Variants in PEX2 observed in about 807,000 individuals in gnomAD.
PEX2 encodes the protein peroxisome biogenesis factor 2.
A neutral mutation model predicts 25.2 loss-of-function variants in PEX2; 19 were observed. The ratio of observed to expected loss-of-function variants is 0.75; its 90% CI spans 0.53 to 1.10. PEX2 has a LOEUF of 1.10. PEX2 is among the 50% of genes least tolerant of loss of function. The pLI, the probability that PEX2 is intolerant of heterozygous loss-of-function variation, is 0.00. For synonymous variants in PEX2, 141 were observed against 127.7 expected (o/e 1.10, Z -0.70); for missense variants, 347 against 350.6 (o/e 0.99, Z 0.08).
intron 1 of PEX2, among the ~76,000 whole-genome samples, chr8:76,991,438 C>G (rs888631666): frequency 6.6e-6 from 1 of 152,174 alleles, no homozygotes; most frequent in African/African-American, 2.4e-5. Flanking sequence ...CTCCTCCCTA[C>G]GTAAGACTCT....
chr8:76,984,201 A>G lies in PEX2; in HGVS notation c.-17-6T>C. Reference sequence around the variant, plus strand: ...CATGTCTTCTCTGAAGGTCTCTAGGAAAAAATACAATTGAAGAACATTAGC... The same window carrying G: ...CATGTCTTCTCTGAAGGTCTCTAGGGAAAAATACAATTGAAGAACATTAGC... On this transcript the variant is annotated splice_polypyrimidine_tract_variant and splice_region_variant and intron_variant, in intron 3 of 3. Transcript: ENST00000357039. 1 of 1,610,678 alleles carries G rather than the reference A, an allele frequency of 6.2e-7. No homozygotes were observed. Among genetic ancestry groups the G allele is most frequent in the South Asian group, 1.1e-5 (1 of 90,982 alleles).
intron 1 of PEX2, among the ~76,000 whole-genome samples, chr8:76,991,601 C>T (rs1392063716): frequency 6.6e-6 from 1 of 152,194 alleles, no homozygotes; most frequent in Non-Finnish European, 1.5e-5. Flanking sequence ...CAGACACTGT[C>T]TATTACACAC....
At chr8:76,996,319 G>A (rs376666097) in intron 1 of PEX2, among the ~76,000 whole-genome samples, 46 of 152,298 alleles carry the variant, frequency 3.0e-4, no homozygotes, top group African/African-American at 9.6e-4. Flanking sequence ...GGAAATTGAG[G>A]TGCAAAGAGA....
At chr8:76,984,857 G>T (rs956743321) in intron 3 of PEX2, among the ~76,000 whole-genome samples, 1 of 152,018 alleles carries the variant, frequency 6.6e-6, no homozygotes, top group East Asian at 1.9e-4. Flanking sequence ...CAAGAATGCA[G>T]AAATATCATT....
chr8:76,998,245 T>C (rs1807393460), intron 1 of PEX2, among the ~76,000 whole-genome samples: 1 of 152,210 alleles, frequency 6.6e-6, no homozygotes, highest in Admixed American at 6.5e-5. Context: ...AGGACTGAGC[T>C]CTTTTAATGG....
rs746335104 is a variant in PEX2 at position 76,980,338 on chromosome 8, CCTT to C, written c.*2920_*2922del. ...GAATCATCCAGTTACTTATGAATGT[CCTT>C]ATCAAGCTAGATCACTGGTAAAATG... On this transcript the variant is annotated 3_prime_UTR_variant, in exon 4 of 4. Transcript: ENST00000357039. 1.2e-4 allele frequency: 18 copies of C among 152,278 alleles called. No homozygotes were observed. The highest frequency in any genetic ancestry group is 2.2e-4 in the Non-Finnish European group (15 of 68,016). 9.4% of individuals were successfully genotyped at this position (152,278 alleles called of 1,614,324 possible).
At chr8:76,989,007 T>TAAAAAA (rs56178165) in intron 1 of PEX2, among the ~76,000 whole-genome samples, 61 of 129,874 alleles carry the variant, frequency 4.7e-4, no homozygotes, top group African/African-American at 1.7e-3. Flanking sequence ...CTACAAAAAC[T>TAAAAAA]AAAAAAAAAA....
At chr8:76,996,679 A>G (rs1196156435) in intron 1 of PEX2, among the ~76,000 whole-genome samples, 1 of 152,252 alleles carries the variant, frequency 6.6e-6, no homozygotes. Context: ...TGCACATTTT[A>G]TGGTACAAGA....
At chr8:76,986,554 A>G (rs1203806844) in intron 2 of PEX2, 2 of 152,306 alleles carry the variant, frequency 1.3e-5, no homozygotes, top group African/African-American at 4.8e-5. Context: ...AACCTCCCCA[A>G]ATCCACTCCC....
chr8:76,994,527 G>C (rs2132057997), intron 1 of PEX2, among the ~76,000 whole-genome samples: 1 of 152,066 alleles, frequency 6.6e-6, no homozygotes, highest in East Asian at 1.9e-4. Context: ...CATTATTATT[G>C]ACCTGTTCCA....
chr8:76,988,056 G>A (rs1807056558), intron 2 of PEX2: 2 of 152,216 alleles, frequency 1.3e-5, no homozygotes, highest in Admixed American at 6.5e-5. Flanking sequence ...CAAGAAGGCA[G>A]TGATTTAAAA....
chr8:76,998,852 T>C (rs1807410384), intron 1 of PEX2, among the ~76,000 whole-genome samples: 1 of 152,152 alleles, frequency 6.6e-6, no homozygotes, highest in Non-Finnish European at 1.5e-5. Context: ...AGAGGTAAAA[T>C]TGTACAAAGG....
intron 1 of PEX2, among the ~76,000 whole-genome samples, chr8:76,991,638 T>C (rs1807172220): frequency 6.6e-6 from 1 of 152,202 alleles, no homozygotes; most frequent in African/African-American, 2.4e-5. Flanking sequence ...GGAATACTTC[T>C]CCCATGCTCT....
chr8:76,998,971 G>C (rs1245571488), intron 1 of PEX2, among the ~76,000 whole-genome samples: 1 of 146,416 alleles, frequency 6.8e-6, no homozygotes, highest in Non-Finnish European at 1.5e-5. Context: ...TTTTTTTTAA[G>C]AAAAAAATAT....
Position 76,983,973 on chromosome 8 carries a change from A to G in PEX2, c.206T>C (p.Ile69Thr), listed in dbSNP as rs1180720095. The G allele has an allele frequency of 1.2e-6, 2 of 1,614,126 alleles. No individual in the cohort carries two copies. The highest frequency in any genetic ancestry group is 2.2e-5 in the East Asian group (1 of 44,882). The stretch of plus-strand genomic sequence containing the variant: ...TCCCACTGTGGCATTTTTGGAGTAG[A>G]TGGTGAATCTCCACAAGAAAACCCA... ...CLWVFLWRFTIYSKNATVGQS... is the reference protein window; with the variant it reads ...CLWVFLWRFTTYSKNATVGQS... The change falls in exon 4 of 4, where the codon ATC becomes ACC. Residue 69 changes from isoleucine (I) to threonine (T), a missense_variant. Coordinates refer to ENST00000357039, the MANE Select transcript of PEX2 (RefSeq NM_000318.3).
At position 76,980,990 on chromosome 8, in the gene PEX2, CAA is replaced by C. The variant is rs1312104166; in HGVS notation, c.*2269_*2270del. 1.3e-5 allele frequency: 2 copies of C among 152,178 alleles called. No homozygotes were observed. The highest frequency in any genetic ancestry group is 2.4e-5 in the African/African-American group (1 of 41,446). 9.4% of individuals were successfully genotyped at this position (152,178 alleles called of 1,614,324 possible). On this transcript the variant is annotated 3_prime_UTR_variant, in exon 4 of 4. Coordinates refer to ENST00000357039, the MANE Select transcript of PEX2 (RefSeq NM_000318.3). Reference sequence around the variant, plus strand: ...GAGAGCCAAAGGATAAAGCCTGTCTCAAAGAGAACCATCTGAGCACCTACATC... The same window carrying C: ...GAGAGCCAAAGGATAAAGCCTGTCTCAGAGAACCATCTGAGCACCTACATC...
intron 1 of PEX2, among the ~76,000 whole-genome samples, chr8:76,992,072 A>G (rs1345765735): frequency 6.6e-6 from 1 of 152,192 alleles, no homozygotes; most frequent in Non-Finnish European, 1.5e-5. Flanking sequence ...TTAAACCACA[A>G]ACATAATGTC....
chr8:76,995,555 T>A (rs1807299741), intron 1 of PEX2, among the ~76,000 whole-genome samples: 1 of 151,970 alleles, frequency 6.6e-6, no homozygotes, highest in Admixed American at 6.6e-5. Flanking sequence ...TTATATTGAG[T>A]CTTACACAAT....
rs1037631034 is a variant in PEX2 at position 76,992,945 on chromosome 8, T to G, written c.-159-4607A>C. Among the ~76,000 whole-genome samples, 18 of 152,158 alleles carry G rather than the reference T, an allele frequency of 1.2e-4. 1 individual carries two copies. Among genetic ancestry groups the G allele is most frequent in the Admixed American group, 5.2e-4 (8 of 15,278 alleles). On this transcript the variant is annotated intron_variant, in intron 1 of 3. Transcript: ENST00000357039. ...AGGGAGAAAAGAGGAAAATGGTATG[T>G]AAGGCAAGGGAACAGGCTGTGTGAA...
Sources: gnomAD v4.1 joint callset for allele counts (sites outside exome capture counted in the v4.1 genomes callset) on GRCh38, gnomAD v4.1.1 for gene constraint, MANE v1.5 for transcripts, NCBI Gene and HGNC (gene_info 2026-07-23, HGNC 2026-07-21) for gene names.